Variants in CDH4 observed in about 807,000 individuals in gnomAD.
CDH4 encodes cadherin-4.
CDH4 carries 33 observed loss-of-function variants against 86.0 expected under a neutral mutation model. The observed-to-expected ratio is 0.38, with a 90% CI of 0.29 to 0.51. The LOEUF (loss-of-function observed/expected upper bound fraction) is 0.51. CDH4 is among the 20% of genes least tolerant of loss of function. CDH4 has a pLI of 0.86. For synonymous variants in CDH4, 555 were observed against 549.4 expected, an observed-to-expected ratio of 1.01 and a Z score of -0.14; for missense variants, 1,114 against 1,307.4, an observed-to-expected ratio of 0.85 and a Z score of 2.28.
chr20:61,419,898 T>C lies in CDH4; in HGVS notation c.169+164961T>C, dbSNP rs943669586. On this transcript the variant is annotated intron_variant, in intron 2 of 15. Coordinates refer to ENST00000614565, the MANE Select transcript of CDH4 (RefSeq NM_001794.5). The stretch of plus-strand genomic sequence containing the variant: ...CATCAGAATTGAAATTATACAAACA[T>C]TGGCATCATTCAGTCGGTGATCATC... Among the ~76,000 whole-genome samples the C allele has an allele frequency of 2.0e-5, 3 of 152,192 alleles. No individual in the cohort carries two copies. In the East Asian group the frequency reaches 5.8e-4, roughly 29 times the overall value.
chr20:61,529,223 C>G (rs2085934799), intron 2 of CDH4, among the ~76,000 whole-genome samples: 1 of 152,178 alleles, frequency 6.6e-6, no homozygotes, highest in African/African-American at 2.4e-5. Flanking sequence ...GATAAATTTA[C>G]ATAGGTAAGC....
chr20:61,345,609 A>G (rs553199342), intron 2 of CDH4, among the ~76,000 whole-genome samples: 9 of 152,324 alleles, frequency 5.9e-5, no homozygotes, highest in Admixed American at 3.9e-4. Context: ...CTTATTAGAC[A>G]AGGAAATGTT....
intron 2 of CDH4, among the ~76,000 whole-genome samples, chr20:61,619,978 A>G (rs1448914447): frequency 1.3e-5 from 2 of 152,166 alleles, no homozygotes; most frequent in African/African-American, 4.8e-5. Flanking sequence ...CTGTTGGGAC[A>G]TCGGCAGAAG....
intron 2 of CDH4, among the ~76,000 whole-genome samples, chr20:61,453,505 G>A: frequency 6.6e-6 from 1 of 152,108 alleles, no homozygotes; most frequent in Non-Finnish European, 1.5e-5. Flanking sequence ...CACTTCTTAG[G>A]TCCTCAGGAG....
intron 13 of CDH4, among the ~76,000 whole-genome samples, chr20:61,932,526 C>T (rs760466680): frequency 1.3e-4 from 20 of 152,044 alleles, no homozygotes; most frequent in Non-Finnish European, 2.5e-4. Context: ...CACATGCACA[C>T]ACAGACCTGT....
At chr20:61,653,549 G>T (rs1365663195) in intron 2 of CDH4, among the ~76,000 whole-genome samples, 1 of 143,434 alleles carries the variant, frequency 7.0e-6, no homozygotes, top group South Asian at 2.2e-4. Flanking sequence ...GGACGGGGTG[G>T]CTGGCCAGGC....
intron 2 of CDH4, among the ~76,000 whole-genome samples, chr20:61,656,336 G>A (rs2145824538): frequency 6.9e-6 from 1 of 144,014 alleles, no homozygotes; most frequent in Admixed American, 6.8e-5. Context: ...CGCGTGCTGG[G>A]GTGGGTAGGC....
At chr20:61,702,899 G>A (rs1270963038) in intron 2 of CDH4, among the ~76,000 whole-genome samples, 1 of 152,228 alleles carries the variant, frequency 6.6e-6, no homozygotes, top group African/African-American at 2.4e-5. Flanking sequence ...CAGGCCTGGT[G>A]TGTGACAACC....
At chr20:61,600,732 C>T (rs1568706705) in intron 2 of CDH4, among the ~76,000 whole-genome samples, 1 of 152,234 alleles carries the variant, frequency 6.6e-6, no homozygotes, top group Non-Finnish European at 1.5e-5. Context: ...CCTTTGTATA[C>T]TTTAAATCAA....
chr20:61,548,983 C>CG (rs377171059), intron 2 of CDH4, among the ~76,000 whole-genome samples: 220 of 151,710 alleles, frequency 1.5e-3, no homozygotes, highest in African/African-American at 4.7e-3. Context: ...CTTCGGGTCT[C>CG]GGGGGGAGAG....
intron 2 of CDH4, among the ~76,000 whole-genome samples, chr20:61,599,288 G>A (rs989674378): frequency 1.2e-4 from 18 of 152,186 alleles, no homozygotes; most frequent in African/African-American, 3.6e-4. Context: ...CAGCTGTGCC[G>A]GGTGTCGGAC....
chr20:61,483,056 C>A (rs550794985), intron 2 of CDH4, among the ~76,000 whole-genome samples: 30 of 152,206 alleles, frequency 2.0e-4, no homozygotes, highest in Non-Finnish European at 4.1e-4. Flanking sequence ...TGGTCCGAAA[C>A]CTTCAGCTCT....
chr20:61,905,569 C>A (rs917132392), intron 8 of CDH4, among the ~76,000 whole-genome samples: 2 of 152,204 alleles, frequency 1.3e-5, no homozygotes, highest in African/African-American at 2.4e-5. Flanking sequence ...CCTCCTGCCC[C>A]CACCACTAGG....
rs1012086609 is a variant in CDH4 at position 61,940,386 on chromosome 20, C to G, written c.*3443C>G. 2.0e-5 allele frequency: 3 copies of G among 151,612 alleles called. No individual in the cohort carries two copies. The highest frequency in any genetic ancestry group is 7.3e-5 in the African/African-American group (3 of 41,210). 9.4% of individuals were successfully genotyped at this position (151,612 alleles called of 1,614,324 possible). ...CAAATCTGAGCATCGCGAGGTTAAA[C>G]GTTCCACCTTTTTTTGTAATCGTCA... On this transcript the variant is annotated 3_prime_UTR_variant, in exon 16 of 16. Transcript: ENST00000614565.
chr20:61,934,606 T>C (rs567398679), intron 15 of CDH4, among the ~76,000 whole-genome samples: 1 of 152,328 alleles, frequency 6.6e-6, no homozygotes, highest in African/African-American at 2.4e-5. Flanking sequence ...CCTCCAAGTA[T>C]TAACCTTACA....
chr20:61,611,134 C>T (rs879717260), intron 2 of CDH4, among the ~76,000 whole-genome samples: 1 of 152,054 alleles, frequency 6.6e-6, no homozygotes, highest in East Asian at 1.9e-4. Context: ...GCACGTCTCC[C>T]AGCAGGTTGG....
chr20:61,489,653 C>T (rs1017541770), intron 2 of CDH4, among the ~76,000 whole-genome samples: 16 of 152,232 alleles, frequency 1.1e-4, no homozygotes, highest in South Asian at 2.1e-4. Flanking sequence ...CCAGTCCTGA[C>T]GTTAATAACT....
intron 2 of CDH4, among the ~76,000 whole-genome samples, chr20:61,594,226 A>G (rs1600790716): frequency 1.4e-5 from 1 of 70,416 alleles, no homozygotes; most frequent in Non-Finnish European, 2.6e-5. Context: ...GTGAAGAGGG[A>G]GGGGGGCTGA....
intron 2 of CDH4, among the ~76,000 whole-genome samples, chr20:61,538,873 C>T (rs919359571): frequency 1.3e-5 from 2 of 152,332 alleles, no homozygotes; most frequent in African/African-American, 2.4e-5. Flanking sequence ...GGGTCAGGCT[C>T]TTAGGAGGCT....
Sources: gnomAD v4.1 joint callset for allele counts (sites outside exome capture counted in the v4.1 genomes callset) on GRCh38, gnomAD v4.1.1 for gene constraint, MANE v1.5 for transcripts, NCBI Gene and HGNC (gene_info 2026-07-23, HGNC 2026-07-21) for gene names.